The following KCNG2 variants were observed in gnomAD, a reference collection of about 807,000 sequenced individuals.
The protein encoded by KCNG2 is potassium voltage-gated channel modifier subfamily G member 2.
KCNG2 carries 7 observed loss-of-function variants against 12.3 expected under a neutral mutation model. The ratio of observed to expected loss-of-function variants is 0.57; its 90% CI spans 0.32 to 1.07. KCNG2 has a LOEUF of 1.07. Among genes scored for constraint, KCNG2 ranks in the 50% least tolerant of loss-of-function variants. The probability of loss-of-function intolerance (pLI) is 0.04; values close to 1 mark genes in which losing one functional copy is unlikely to be tolerated. For synonymous variants in KCNG2, 414 were observed against 351.4 expected (o/e 1.18, Z -1.99); for missense variants, 703 against 726.0 (o/e 0.97, Z 0.36).
At chr18:79,853,485 C>A (rs1978897306) in intron 1 of KCNG2, among the ~76,000 whole-genome samples, 1 of 152,150 alleles carries the variant, frequency 6.6e-6, no homozygotes, top group South Asian at 2.1e-4. Context: ...AGAGGCAGGA[C>A]AGACCAGCCT....
At chr18:79,828,912 CTG>C (rs747354175) in intron 1 of KCNG2, among the ~76,000 whole-genome samples, 8 of 133,630 alleles carry the variant, frequency 6.0e-5, no homozygotes, top group East Asian at 4.6e-4. Flanking sequence ...GTGCATGTGT[CTG>C]TGTGTGTCTA....
At chr18:79,802,679 G>A (rs926516513) in intron 1 of KCNG2, among the ~76,000 whole-genome samples, 5 of 151,412 alleles carry the variant, frequency 3.3e-5, no homozygotes, top group South Asian at 2.1e-4. Context: ...GATTCTGAGC[G>A]TACAGTGGTT....
chr18:79,899,025 C>G lies in KCNG2; in HGVS notation c.625-15C>G. The G allele has an allele frequency of 6.5e-7, 1 of 1,526,782 alleles. No homozygotes were observed. Among genetic ancestry groups the G allele is most frequent in the Non-Finnish European group, 8.8e-7 (1 of 1,140,762 alleles). 94.6% of individuals were successfully genotyped at this position (1,526,782 alleles called of 1,614,324 possible). A position where few individuals can be genotyped will look rare whatever the true frequency, so the allele number is the denominator to read the frequency against. ...GAGGCCTGCGCCCCCAACCCCGTGT[C>G]CCCTCTCCCCGCAGGGCGAGTGCTC... On this transcript the variant is annotated splice_polypyrimidine_tract_variant and intron_variant, in intron 3 of 3. Transcript: ENST00000316249.
chr18:79,826,699 G>A (rs1434733610), intron 1 of KCNG2, among the ~76,000 whole-genome samples: 1 of 147,722 alleles, frequency 6.8e-6, no homozygotes, highest in African/African-American at 2.5e-5. Flanking sequence ...CCTCACGGAA[G>A]GTTAGTTCGG....
At position 79,864,172 on chromosome 18, in the gene KCNG2, A is replaced by C; in HGVS notation, c.505A>C (p.Asn169His). Residue 169 changes from asparagine (N) to histidine (H), a missense_variant, in exon 3 of 4, where the codon AAC (asparagine) becomes CAC (histidine). Physicochemically the swap from Asn to His is moderately conservative, Grantham distance 68 (BLOSUM62 1). Transcript: ENST00000316249. ...GRRRLRDVVD[N>H]PHSGLAGKLF... The stretch of plus-strand genomic sequence containing the variant: ...GCGGCGCCTGCGCGACGTGGTGGAC[A>C]ACCCGCACTCGGGGCTGGCGGGCAA... 6 of 1,509,364 alleles carry C rather than the reference A, an allele frequency of 4.0e-6. No homozygotes were observed. Among genetic ancestry groups the C allele is most frequent in the Non-Finnish European group, 5.3e-6 (6 of 1,133,182 alleles). The allele number at this position is 1,509,364 out of a possible 1,614,324, so 93.5% of individuals were successfully genotyped here. A position where few individuals can be genotyped will look rare whatever the true frequency, so the allele number is the denominator to read the frequency against.
chr18:79,858,239 T>C (rs796919552), intron 2 of KCNG2, among the ~76,000 whole-genome samples: 14 of 152,342 alleles, frequency 9.2e-5, no homozygotes, highest in African/African-American at 3.4e-4. Context: ...TGACCTCAAG[T>C]GATCCACCCG....
At chr18:79,851,855 T>A (rs1056002535) in intron 1 of KCNG2, among the ~76,000 whole-genome samples, 6 of 152,210 alleles carry the variant, frequency 3.9e-5, no homozygotes, top group African/African-American at 1.4e-4. Context: ...TGTGTGCACG[T>A]GTGCGTGTGA....
intron 1 of KCNG2, among the ~76,000 whole-genome samples, chr18:79,829,760 G>A (rs527260164): frequency 1.6e-3 from 237 of 152,286 alleles, no homozygotes; most frequent in Non-Finnish European, 2.6e-3. Flanking sequence ...AGCTGGTGCC[G>A]GGGCAGCTCA....
chr18:79,815,903 G>A (rs1052558356), intron 1 of KCNG2, among the ~76,000 whole-genome samples: 1 of 152,240 alleles, frequency 6.6e-6, no homozygotes, highest in African/African-American at 2.4e-5. Flanking sequence ...CAACACTGCT[G>A]AGCAAACACT....
chr18:79,892,930 T>G (rs997415624), intron 3 of KCNG2, among the ~76,000 whole-genome samples: 30 of 151,662 alleles, frequency 2.0e-4, no homozygotes, highest in Non-Finnish European at 1.3e-4. Flanking sequence ...TGCTTTTGAT[T>G]GGGTTGTTCA....
At chr18:79,875,205 C>T (rs956320922) in intron 3 of KCNG2, among the ~76,000 whole-genome samples, 4 of 152,190 alleles carry the variant, frequency 2.6e-5, no homozygotes, top group East Asian at 3.9e-4. Context: ...GATTGCCCTA[C>T]GTTGTCTGAT....
chr18:79,807,391 T>C (rs1289751920), intron 1 of KCNG2, among the ~76,000 whole-genome samples: 3 of 152,118 alleles, frequency 2.0e-5, no homozygotes, highest in African/African-American at 7.2e-5. Context: ...GCCTTTCTGC[T>C]CTACCGTAAA....
intron 1 of KCNG2, among the ~76,000 whole-genome samples, chr18:79,829,157 CGTGT>C (rs1404843596): frequency 7.1e-6 from 1 of 140,636 alleles, no homozygotes; most frequent in Non-Finnish European, 1.5e-5. Flanking sequence ...TCTATGTGTG[CGTGT>C]GTGTAACATG....
chr18:79,823,724 G>A (rs556758411), intron 1 of KCNG2, among the ~76,000 whole-genome samples: 1 of 152,018 alleles, frequency 6.6e-6, no homozygotes, highest in South Asian at 2.1e-4. Flanking sequence ...TTCCACGTGT[G>A]CCCAGCTCTT....
chr18:79,802,729 CTT>C (rs34196939), intron 1 of KCNG2, among the ~76,000 whole-genome samples: 8 of 146,898 alleles, frequency 5.4e-5, no homozygotes, highest in South Asian at 2.1e-4. Flanking sequence ...GAGTTCCTGG[CTT>C]TTTTTTTTTT....
At chr18:79,848,861 G>A (rs1007901488) in intron 1 of KCNG2, among the ~76,000 whole-genome samples, 4 of 152,176 alleles carry the variant, frequency 2.6e-5, no homozygotes, top group East Asian at 1.9e-4. Context: ...GAGTGGCCCC[G>A]GGCAGGTGGC....
At chr18:79,806,363 G>T (rs1293952979) in intron 1 of KCNG2, among the ~76,000 whole-genome samples, 1 of 152,206 alleles carries the variant, frequency 6.6e-6, no homozygotes, top group South Asian at 2.1e-4. Context: ...AGACAAGGCC[G>T]CTGTGTCAGG....
chr18:79,854,936 T>G (rs1399283236), intron 1 of KCNG2, among the ~76,000 whole-genome samples: 1 of 152,234 alleles, frequency 6.6e-6, no homozygotes, highest in Non-Finnish European at 1.5e-5. Flanking sequence ...GAGACAGTCC[T>G]CAGCGTGAGA....
intron 1 of KCNG2, among the ~76,000 whole-genome samples, chr18:79,850,776 T>C (rs753551985): frequency 1.6e-4 from 24 of 152,216 alleles, no homozygotes; most frequent in Non-Finnish European, 3.4e-4. Flanking sequence ...GGCTTCATAG[T>C]GTAAATCCTT....
Sources: allele counts gnomAD v4.1 joint callset (sites outside exome capture counted in the v4.1 genomes callset), GRCh38; gene constraint gnomAD v4.1.1; transcripts MANE v1.5; gene names NCBI Gene and HGNC (gene_info 2026-07-23, HGNC 2026-07-21).